FAM47E: variants seen among roughly 807,000 people sequenced by gnomAD.
FAM47E encodes family with sequence similarity 47 member E.
In FAM47E, 32 loss-of-function variants were observed where a neutral mutation model predicts 41.6. That is an observed-to-expected ratio of 0.77 (90% CI 0.58 to 1.03). The LOEUF is 1.03. FAM47E is among the 50% of genes least tolerant of loss of function. The probability of loss-of-function intolerance (pLI) is 0.00; values close to 1 mark genes in which losing one functional copy is unlikely to be tolerated. For synonymous variants in FAM47E, 184 were observed against 188.7 expected, an observed-to-expected ratio of 0.98 and a Z score of 0.20; for missense variants, 424 against 485.4, an observed-to-expected ratio of 0.87 and a Z score of 1.19.
chr4:76,236,063 G>A (rs954449159), intron 2 of FAM47E, among the ~76,000 whole-genome samples: 9 of 152,156 alleles, frequency 5.9e-5, no homozygotes, highest in African/African-American at 1.4e-4. Context: ...ATAACAACTG[G>A]TTTGAATTTT....
chr4:76,277,260 G>A (rs1209749909), intron 5 of FAM47E, among the ~76,000 whole-genome samples: 6 of 152,050 alleles, frequency 3.9e-5, no homozygotes, highest in East Asian at 1.9e-4. Flanking sequence ...CGAGGCGGGC[G>A]GATCACGAGG....
chr4:76,229,362 G>T (rs914222906), intron 2 of FAM47E, among the ~76,000 whole-genome samples: 5 of 152,060 alleles, frequency 3.3e-5, no homozygotes, highest in African/African-American at 1.2e-4. Flanking sequence ...TGTTTTTCTT[G>T]GTTTGAATCC....
At chr4:76,239,168 T>C (rs1733648589) in intron 2 of FAM47E, among the ~76,000 whole-genome samples, 1 of 152,214 alleles carries the variant, frequency 6.6e-6, no homozygotes. Context: ...CTTCCACATT[T>C]TAACTACTGT....
rs552174713 is a variant in FAM47E, at chr4:76,218,498, C to A, written c.81+810C>A. Among the ~76,000 whole-genome samples, 6 of 152,316 alleles carry A rather than the reference C, an allele frequency of 3.9e-5. No individual in the cohort carries two copies. The South Asian group carries it at 1.2e-3, about 32-fold the overall frequency. ...GTGAAGTTACCCATGTCCCTGTCTACCGCCTCCTCCGATCAAGAAGACCTC... is the reference window on the plus strand; with the variant it reads ...GTGAAGTTACCCATGTCCCTGTCTAACGCCTCCTCCGATCAAGAAGACCTC... On this transcript the variant is annotated intron_variant, in intron 2 of 7. Coordinates refer to the FAM47E transcript ENST00000510197.
intron 2 of FAM47E, among the ~76,000 whole-genome samples, chr4:76,235,496 A>C (rs1293758925): frequency 1.3e-5 from 2 of 152,170 alleles, no homozygotes; most frequent in African/African-American, 4.8e-5. Context: ...CCTCCTTTAC[A>C]ACTGTGGGAG....
intron 5 of FAM47E, 141 bp from the exon 6 acceptor site, chr4:76,277,928 T>C: frequency 9.4e-7 from 1 of 1,068,784 alleles, no homozygotes. Context: ...CAAAGCATGC[T>C]GAAACTTCAC....
At position 76,226,717 on chromosome 4, in the gene FAM47E, G is replaced by C. The variant is rs571803171; in HGVS notation, c.81+9029G>C. On this transcript the variant is annotated intron_variant, in intron 2 of 7. Transcript: ENST00000510197. ...AAGTCTCACTGCTTGTTACTGGTCTGTTCAGAGTTTCCATTTCTTCCTGAT... is the reference window on the plus strand; with the variant it reads ...AAGTCTCACTGCTTGTTACTGGTCTCTTCAGAGTTTCCATTTCTTCCTGAT... Among the ~76,000 whole-genome samples the C allele has an allele frequency of 2.0e-5, 3 of 152,252 alleles. No individual in the cohort carries two copies. In the South Asian group the frequency reaches 6.2e-4, roughly 32 times the overall value.
chr4:76,278,304 T>A, intron 6 of FAM47E, 80 bp downstream of exon 6: 1 of 1,363,442 alleles, frequency 7.3e-7, no homozygotes, highest in East Asian at 2.8e-5. Context: ...TGAACCAGAC[T>A]CTGCGGCGTA....
At chr4:76,279,020 A>G (rs1735242199) in intron 6 of FAM47E, 1 of 152,238 alleles carries the variant, frequency 6.6e-6, no homozygotes, top group Non-Finnish European at 1.5e-5. Context: ...GTAATCACTC[A>G]TCAATTGTCT....
chr4:76,258,092 C>A (rs1734263445), intron 2 of FAM47E, among the ~76,000 whole-genome samples: 1 of 152,114 alleles, frequency 6.6e-6, no homozygotes, highest in Non-Finnish European at 1.5e-5. Flanking sequence ...CCTCAGATGG[C>A]ACATGAGCAT....
At chr4:76,227,939 T>C (rs968787637) in intron 2 of FAM47E, among the ~76,000 whole-genome samples, 1 of 152,228 alleles carries the variant, frequency 6.6e-6, no homozygotes, top group Admixed American at 6.5e-5. Flanking sequence ...TAGGTGAGTC[T>C]CTTGAAGACA....
In FAM47E at chr4:76,265,683, G is replaced by A. The variant is rs62300780; in HGVS notation, c.560+1840G>A. ...GTGCTCAGGTTGAGGCCCCTAGATT[G>A]TCTTAGAATGTGGCTGGTCATCAGA... On this transcript the variant is annotated intron_variant, in intron 3 of 7. Coordinates refer to ENST00000424749, the MANE Select transcript of FAM47E (RefSeq NM_001136570.3). Among the ~76,000 whole-genome samples the A allele has an allele frequency of 8.5e-3, 1,294 of 152,242 alleles. 3 individuals are homozygous for A. Among genetic ancestry groups the A allele is most frequent in the Non-Finnish European group, 0.013 (913 of 68,024 alleles).
chr4:76,272,256 C>A (rs1156929200), intron 5 of FAM47E, among the ~76,000 whole-genome samples: 1 of 152,116 alleles, frequency 6.6e-6, no homozygotes, highest in African/African-American at 2.4e-5. Context: ...AACAAGGTAA[C>A]AGAAAGGAGA....
chr4:76,237,994 C>G (rs1733623764), intron 2 of FAM47E, among the ~76,000 whole-genome samples: 1 of 152,036 alleles, frequency 6.6e-6, no homozygotes, highest in African/African-American at 2.4e-5. Context: ...TATATCAGAC[C>G]CATAGTTGAG....
chr4:76,264,965 C>T (rs1205493286), intron 3 of FAM47E, among the ~76,000 whole-genome samples: 2 of 152,180 alleles, frequency 1.3e-5, no homozygotes, highest in Non-Finnish European at 2.9e-5. Flanking sequence ...AGAGAGTAGC[C>T]TATCCACAGT....
intron 2 of FAM47E, among the ~76,000 whole-genome samples, chr4:76,227,913 G>T (rs1021462845): frequency 2.6e-5 from 4 of 152,096 alleles, no homozygotes; most frequent in Non-Finnish European, 5.9e-5. Flanking sequence ...TTAAGTTTAC[G>T]TGATTTCTTA....
upstream of FAM47E, among the ~76,000 whole-genome samples, chr4:76,247,885 T>C (rs1733861141): frequency 1.3e-5 from 2 of 148,282 alleles, no homozygotes; most frequent in African/African-American, 2.4e-5. Flanking sequence ...GATTATCTCC[T>C]GTGGGTTATC....
At chr4:76,248,167 G>A (rs1231192833), upstream of FAM47E, among the ~76,000 whole-genome samples, 1 of 151,932 alleles carries the variant, frequency 6.6e-6, no homozygotes, top group Admixed American at 6.6e-5. Flanking sequence ...GCCCATCTCA[G>A]CCTCCCAAAG....
intron 2 of FAM47E, among the ~76,000 whole-genome samples, chr4:76,231,792 C>T (rs184910208): frequency 1.8e-4 from 28 of 152,284 alleles, no homozygotes; most frequent in African/African-American, 5.8e-4. Flanking sequence ...ACTTGGAGTT[C>T]CTGGACCTGT....
Sources: gnomAD v4.1 joint callset for allele counts (sites outside exome capture counted in the v4.1 genomes callset) on GRCh38, gnomAD v4.1.1 for gene constraint, MANE v1.5 for transcripts, NCBI Gene and HGNC (gene_info 2026-07-23, HGNC 2026-07-21) for gene names.